Variants in BTBD9 observed in about 807,000 individuals in gnomAD.
BTBD9 encodes BTB domain containing 9.
In BTBD9, 49 loss-of-function variants were observed where a neutral mutation model predicts 64.3. The observed-to-expected ratio is 0.76, with a 90% confidence interval of 0.61 to 0.97. The LOEUF (loss-of-function observed/expected upper bound fraction) is 0.97. BTBD9 is among the 50% of genes least tolerant of loss of function. The pLI, the probability that BTBD9 is intolerant of heterozygous loss-of-function variation, is 0.00. For missense variants in BTBD9, 598 were observed against 762.1 expected (o/e 0.78, Z 2.53); for synonymous variants, 260 against 274.7 (o/e 0.95, Z 0.53).
intron 10 of BTBD9, among the ~76,000 whole-genome samples, chr6:38,181,994 A>G (rs1033123257): frequency 8.2e-5 from 10 of 121,802 alleles, no homozygotes; most frequent in African/African-American, 1.6e-4. Context: ...CTCAAAGACA[A>G]ACAAACAAAC....
chr6:38,450,264 TAGC>T (rs1769465053), intron 6 of BTBD9, among the ~76,000 whole-genome samples: 1 of 152,160 alleles, frequency 6.6e-6, no homozygotes, highest in African/African-American at 2.4e-5. Flanking sequence ...CTGCGGTGTT[TAGC>T]AGGGAGGAGA....
At chr6:38,288,243 A>T in intron 8 of BTBD9, 29 bp downstream of exon 8, 1 of 1,595,928 alleles carries the variant, frequency 6.3e-7, no homozygotes, top group Non-Finnish European at 8.6e-7. Flanking sequence ...TCCATTTTAA[A>T]ACTTATGAAT....
chr6:38,627,863 G>A lies in BTBD9; in HGVS notation c.-28+11937C>T, dbSNP rs537363873. ...GCATGAGTATTAGCAGGCTTGACAG[G>A]AGTGAGACTCATGCTGTTACTAAAA... On this transcript the variant is annotated intron_variant, in intron 1 of 10. Coordinates refer to ENST00000481247, the MANE Select transcript of BTBD9 (RefSeq NM_001099272.2). Among the ~76,000 whole-genome samples the A allele has an allele frequency of 5.9e-5, 9 of 152,192 alleles. No homozygotes were observed. In the South Asian group the frequency reaches 1.7e-3, roughly 28 times the overall value.
chr6:38,582,783 G>T (rs541596015), intron 4 of BTBD9, among the ~76,000 whole-genome samples: 2 of 152,152 alleles, frequency 1.3e-5, no homozygotes, highest in Non-Finnish European at 2.9e-5. Context: ...CATCTAAAAA[G>T]AATACTTTGT....
chr6:38,545,185 G>T (rs980079288), intron 6 of BTBD9, among the ~76,000 whole-genome samples: 1 of 151,704 alleles, frequency 6.6e-6, no homozygotes. Context: ...TCCGCCTCCC[G>T]GGTTCAAGCA....
chr6:38,479,675 T>C (rs1771043766), intron 6 of BTBD9, among the ~76,000 whole-genome samples: 1 of 152,188 alleles, frequency 6.6e-6, no homozygotes, highest in African/African-American at 2.4e-5. Context: ...AACAACAACT[T>C]TCACTTCAGA....
chr6:38,561,438 TA>T (rs1775259983), intron 6 of BTBD9, among the ~76,000 whole-genome samples: 1 of 152,174 alleles, frequency 6.6e-6, no homozygotes, highest in Non-Finnish European at 1.5e-5. Context: ...GGAATCCCTT[TA>T]TTTGTTATAG....
Position 38,593,895 on chromosome 6 carries a change from A to G in BTBD9, c.549+69T>C, listed in dbSNP as rs146328490. ...TTTTTATTATTCTTAGTCCATTGCT[A>G]TACTTCTACAGTATAGGTATAAATA... On this transcript the variant is annotated intron_variant, in intron 3 of 10. Transcript: ENST00000481247. 397 of 1,330,782 alleles carry G rather than the reference A, an allele frequency of 3.0e-4. 2 individuals carry two copies. The African/African-American group carries it at 5.4e-3, about 18-fold the overall frequency. The allele number at this position is 1,330,782 out of a possible 1,614,324, so 82.4% of individuals were successfully genotyped here.
intron 9 of BTBD9, among the ~76,000 whole-genome samples, chr6:38,225,385 GC>G (rs1444965975): frequency 6.6e-6 from 1 of 152,220 alleles, no homozygotes; most frequent in Non-Finnish European, 1.5e-5. Flanking sequence ...TAGAAAGCTA[GC>G]CCCATAGACC....
chr6:38,253,093 G>A lies in BTBD9; in HGVS notation c.1562+3316C>T, dbSNP rs562265125. Among the ~76,000 whole-genome samples, 4 of 151,862 alleles carry A rather than the reference G, an allele frequency of 2.6e-5. No individual in the cohort carries two copies. The East Asian group carries it at 5.8e-4, about 22-fold the overall frequency. On this transcript the variant is annotated intron_variant, in intron 9 of 10. Transcript: ENST00000481247. ...CATGCCACTGCACTCCAGCCTGAGC[G>A]ACAGAGTGAGACTCTGTCTCAAACA...
At chr6:38,418,195 G>A (rs1289274827) in intron 6 of BTBD9, among the ~76,000 whole-genome samples, 1 of 152,108 alleles carries the variant, frequency 6.6e-6, no homozygotes, top group Non-Finnish European at 1.5e-5. Context: ...CCTTCCAAGA[G>A]AAATAAATTA....
intron 6 of BTBD9, among the ~76,000 whole-genome samples, chr6:38,377,947 T>G (rs539720546): frequency 6.6e-6 from 1 of 152,218 alleles, no homozygotes; most frequent in Non-Finnish European, 1.5e-5. Flanking sequence ...ATACAGGTGC[T>G]GCAGAATTTT....
At chr6:38,638,091 T>C (rs917010255) in intron 1 of BTBD9, among the ~76,000 whole-genome samples, 1 of 152,182 alleles carries the variant, frequency 6.6e-6, no homozygotes, top group African/African-American at 2.4e-5. Context: ...CAGCTCCTGG[T>C]TTATTTCCTA....
At chr6:38,443,830 T>C (rs1021738068) in intron 6 of BTBD9, among the ~76,000 whole-genome samples, 3 of 152,166 alleles carry the variant, frequency 2.0e-5, no homozygotes, top group African/African-American at 7.2e-5. Context: ...GTCTCCTTAC[T>C]GGTCTCCCCA....
At position 38,177,850 on chromosome 6, in the gene BTBD9, AGACT is replaced by A. The variant is rs560258326; in HGVS notation, c.1642-2672_1642-2669del. 1.0e-3 allele frequency among the ~76,000 whole-genome samples: 157 copies of A among 152,344 alleles called. 3 individuals carry two copies. Among genetic ancestry groups the A allele is most frequent in the Non-Finnish European group, 1.6e-4 (11 of 68,026 alleles). ...GCTGTTACTCCCAACACACCTAACA[AGACT>A]GACAGCCAATCTCAACTGCTTCTGT... On this transcript the variant is annotated intron_variant, in intron 10 of 10. Coordinates refer to ENST00000481247, the MANE Select transcript of BTBD9 (RefSeq NM_001099272.2).
In BTBD9 at chr6:38,340,834, A is replaced by G. The variant is rs531631265; in HGVS notation, c.1264+4150T>C. Among the ~76,000 whole-genome samples the G allele has an allele frequency of 8.5e-5, 13 of 152,314 alleles. No individual in the cohort carries two copies. The South Asian group carries it at 2.5e-3, about 29-fold the overall frequency. On this transcript the variant is annotated intron_variant, in intron 7 of 10. Coordinates refer to ENST00000481247, the MANE Select transcript of BTBD9 (RefSeq NM_001099272.2). ...CAATGGATGTGAACATCCAAAACAGAGAGACAACTAGAGGTTTTCTCTGCT... is the reference window on the plus strand; with the variant it reads ...CAATGGATGTGAACATCCAAAACAGGGAGACAACTAGAGGTTTTCTCTGCT...
intron 7 of BTBD9, among the ~76,000 whole-genome samples, chr6:38,344,204 A>G (rs1159151052): frequency 2.0e-5 from 3 of 152,090 alleles, no homozygotes; most frequent in Admixed American, 1.3e-4. Flanking sequence ...GCATGGGGGA[A>G]AAAAAAGCAG....
intron 8 of BTBD9, among the ~76,000 whole-genome samples, chr6:38,267,978 A>G: frequency 6.6e-6 from 1 of 152,168 alleles, no homozygotes; most frequent in Non-Finnish European, 1.5e-5. Flanking sequence ...CGAAGGAGAA[A>G]TGAGGAGCAG....
At chr6:38,471,249 A>G (rs779392159) in intron 6 of BTBD9, among the ~76,000 whole-genome samples, 15 of 152,196 alleles carry the variant, frequency 9.9e-5, no homozygotes, top group Non-Finnish European at 1.9e-4. Flanking sequence ...AACTAACATC[A>G]GTCTATTTTT....
Sources: gnomAD v4.1 joint callset for allele counts (sites outside exome capture counted in the v4.1 genomes callset) on GRCh38, gnomAD v4.1.1 for gene constraint, MANE v1.5 for transcripts, NCBI Gene and HGNC (gene_info 2026-07-23, HGNC 2026-07-21) for gene names.